H6PD: variants seen among roughly 807,000 people sequenced by gnomAD.
H6PD encodes hexose-6-phosphate dehydrogenase/glucose 1-dehydrogenase.
H6PD carries 48 observed loss-of-function variants against 61.2 expected under a neutral mutation model. The ratio of observed to expected loss-of-function variants is 0.78; its 90% CI spans 0.62 to 1.00. The LOEUF (loss-of-function observed/expected upper bound fraction) is 1.00, where lower values mean the gene tolerates loss of function less well. H6PD is among the 50% of genes least tolerant of loss of function. The pLI, the probability that H6PD is intolerant of heterozygous loss-of-function variation, is 0.00. For synonymous variants in H6PD, 480 were observed against 457.9 expected (o/e 1.05, Z -0.62); for missense variants, 1,093 against 1,065.0 (o/e 1.03, Z -0.37).
chr1:9,265,344 C>T lies in H6PD; in HGVS notation c.*475C>T, dbSNP rs574798810. Reference sequence around the variant, plus strand: ...GGGTGCAGAGGCGCCCAGGGGAGTACATTGCCCCGTGCAAAGCAGGGGCAT... The same window carrying T: ...GGGTGCAGAGGCGCCCAGGGGAGTATATTGCCCCGTGCAAAGCAGGGGCAT... On this transcript the variant is annotated 3_prime_UTR_variant, in exon 5 of 5. Transcript: ENST00000377403. 221 of 288,914 alleles carry T rather than the reference C, an allele frequency of 7.6e-4. No individual in the cohort carries two copies. The highest frequency in any genetic ancestry group is 4.5e-3 in the African/African-American group (206 of 45,844). The allele number at this position is 288,914 out of a possible 1,614,324, so 17.9% of individuals were successfully genotyped here.
intron 4 of H6PD, among the ~76,000 whole-genome samples, chr1:9,263,145 C>G (rs938180972): frequency 1.3e-5 from 2 of 152,150 alleles, no homozygotes; most frequent in Non-Finnish European, 2.9e-5. Context: ...GACCCCCTGA[C>G]CCCTCAAATA....
chr1:9,265,656 T>TA lies in H6PD; in HGVS notation c.*787_*788insA, dbSNP rs1638531419. The TA allele has an allele frequency of 2.6e-5, 4 of 152,282 alleles. No homozygotes were observed. Among genetic ancestry groups the TA allele is most frequent in the Non-Finnish European group, 5.9e-5 (4 of 68,126 alleles). The allele number at this position is 152,282 out of a possible 1,614,324, so 9.4% of individuals were successfully genotyped here. ...GGGTTCCAGAAATCTTTTTTCTTTTTTAATTAAAAAAAATATTTGCAGAGA... is the reference window on the plus strand; with the variant it reads ...GGGTTCCAGAAATCTTTTTTCTTTTTATAATTAAAAAAAATATTTGCAGAGA... On this transcript the variant is annotated 3_prime_UTR_variant, in exon 5 of 5. Transcript: ENST00000377403.
At chr1:9,255,839 C>T (rs1233712990) in intron 3 of H6PD, among the ~76,000 whole-genome samples, 2 of 152,124 alleles carry the variant, frequency 1.3e-5, no homozygotes, top group East Asian at 3.8e-4. Flanking sequence ...TGCCCTAGAC[C>T]CCTCCTTCCA....
chr1:9,247,411 T>C (rs1216914375), intron 3 of H6PD, among the ~76,000 whole-genome samples: 3 of 152,150 alleles, frequency 2.0e-5, no homozygotes, highest in African/African-American at 7.2e-5. Context: ...GCGTGAGGGC[T>C]TCCCCGACTG....
At chr1:9,261,582 C>T (rs1638290167) in intron 3 of H6PD, among the ~76,000 whole-genome samples, 1 of 152,236 alleles carries the variant, frequency 6.6e-6, no homozygotes. Context: ...TTGTTAGTCT[C>T]ATCCAAGGGC....
chr1:9,248,724 C>G (rs2100341639), intron 3 of H6PD, among the ~76,000 whole-genome samples: 1 of 152,258 alleles, frequency 6.6e-6, no homozygotes, highest in East Asian at 1.9e-4. Context: ...GGCAGGACTT[C>G]CCAAGCCAGG....
At chr1:9,263,324 T>C (rs945658915) in intron 4 of H6PD, among the ~76,000 whole-genome samples, 185 bp from the exon 5 acceptor site, 2 of 151,656 alleles carry the variant, frequency 1.3e-5, no homozygotes, top group African/African-American at 4.8e-5. Context: ...CAGAGGCCGG[T>C]TTTCAAGCAT....
rs1274203202 is a variant in H6PD at position 9,254,547 on chromosome 1, T to C, written c.745+7464T>C. On this transcript the variant is annotated intron_variant, in intron 3 of 4. Transcript: ENST00000377403. This position sits in a 1 kb window ranked among gnomAD's most constrained non-coding sequence, Gnocchi z 4.6. The stretch of plus-strand genomic sequence containing the variant: ...GTGACTTCGTTCCCTCCTACCTTTG[T>C]TACTTCCTTTGATGGCAGCAAAGGC... 6.6e-6 allele frequency among the ~76,000 whole-genome samples: 1 copy of C among 152,136 alleles called. No homozygotes were observed. Among genetic ancestry groups the C allele is most frequent in the Non-Finnish European group, 1.5e-5 (1 of 68,028 alleles).
intron 1 of H6PD, among the ~76,000 whole-genome samples, chr1:9,240,497 T>C (rs1355946232): frequency 6.6e-6 from 1 of 152,028 alleles, no homozygotes; most frequent in Admixed American, 6.6e-5. Flanking sequence ...TATCTCACCC[T>C]CCCATTTCCT....
chr1:9,265,415 CA>C lies in H6PD; in HGVS notation c.*547del, dbSNP rs140545515. On this transcript the variant is annotated 3_prime_UTR_variant, in exon 5 of 5. Transcript: ENST00000377403. ...TGAGGGGGTCAAGCCCCTCCTTCCC[CA>C]GCTGCCCCTCCTTCTAGAACCTCTG... The C allele has an allele frequency of 3.7e-3, 687 of 184,758 alleles. 5 individuals are homozygous for C. Among genetic ancestry groups the C allele is most frequent in the African/African-American group, 0.016 (665 of 42,364 alleles). The allele number at this position is 184,758 out of a possible 1,614,324, so 11.4% of individuals were successfully genotyped here.
chr1:9,261,944 TG>T, intron 3 of H6PD, 114 bp from the exon 4 acceptor site: 9 of 1,053,890 alleles, frequency 8.5e-6, no homozygotes, highest in Non-Finnish European at 1.3e-5. Context: ...CCCTGTGGAC[TG>T]GGGGAAGAGG....
At chr1:9,252,781 T>C (rs1425696920) in intron 3 of H6PD, among the ~76,000 whole-genome samples, 2 of 152,226 alleles carry the variant, frequency 1.3e-5, no homozygotes, top group East Asian at 3.8e-4. Context: ...CTCTCTGTTA[T>C]GAGTCTGAGC....
intron 4 of H6PD, among the ~76,000 whole-genome samples, chr1:9,262,938 C>T (rs1638377176): frequency 6.6e-6 from 1 of 152,194 alleles, no homozygotes; most frequent in Non-Finnish European, 1.5e-5. Context: ...GTGAAGTCGT[C>T]AGAATGAACC....
chr1:9,257,326 C>G (rs1193877690), intron 3 of H6PD, among the ~76,000 whole-genome samples: 1 of 151,920 alleles, frequency 6.6e-6, no homozygotes. Flanking sequence ...AACAGGGTCT[C>G]ACTTTGTTGC....
In H6PD at chr1:9,264,183, A is replaced by T; in HGVS notation, c.1690A>T (p.Ile564Phe). 6.2e-7 allele frequency: 1 copy of T among 1,611,700 alleles called. No individual in the cohort carries two copies. Among genetic ancestry groups the T allele is most frequent in the Non-Finnish European group, 8.5e-7 (1 of 1,178,660 alleles). Reference protein sequence around the residue: ...PLVSAWSEELISKLANDIEAT... With the variant: ...PLVSAWSEELFSKLANDIEAT... The stretch of plus-strand genomic sequence containing the variant: ...GGTCTCCGCCTGGTCCGAGGAGCTG[A>T]TCTCTAAGCTGGCTAATGACATCGA... The change falls in exon 5 of 5, where the codon ATC becomes TTC. Residue 564 changes from isoleucine (I) to phenylalanine (F), a missense_variant. By Grantham distance (21) the Ile-to-Phe change is conservative. Coordinates refer to ENST00000377403, the MANE Select transcript of H6PD (RefSeq NM_004285.4).
chr1:9,245,517 C>T lies in H6PD; in HGVS notation c.583C>T (p.Gln195Ter), dbSNP rs1438111258. Residue 195 changes from glutamine to a stop codon, truncating the protein, a stop_gained, in exon 2 of 5, where the codon CAG becomes TAG. Coordinates refer to ENST00000377403, the MANE Select transcript of H6PD (RefSeq NM_004285.4). LOFTEE classifies it high-confidence loss of function. This position sits in a 1 kb window ranked among gnomAD's most constrained non-coding sequence, Gnocchi z 4.8. The stretch of plus-strand genomic sequence containing the variant: ...GGCCACAGAACTCGGGACCTTTTTC[C>T]AGGAGGAGGAGATGTACCGGGTGGA... ...QLATELGTFF[Q>*]EEEMYRVDHY... 6.2e-6 allele frequency: 10 copies of T among 1,614,056 alleles called. No homozygotes were observed. In the East Asian group the frequency reaches 8.9e-5, roughly 14 times the overall value.
chr1:9,246,493 G>A (rs1354081646), intron 2 of H6PD, among the ~76,000 whole-genome samples: 1 of 152,078 alleles, frequency 6.6e-6, no homozygotes, highest in Non-Finnish European at 1.5e-5. Context: ...GTGCGGGTGG[G>A]CATAGGCAGT....
intron 1 of H6PD, among the ~76,000 whole-genome samples, chr1:9,239,389 C>T (rs1331030618): frequency 6.6e-6 from 1 of 152,118 alleles, no homozygotes; most frequent in Admixed American, 6.5e-5. Flanking sequence ...CCCCAGAGCC[C>T]GATCTGGAAG....
In H6PD at chr1:9,270,159, A is replaced by ACTT. The variant is rs1215845689; in HGVS notation, c.*5293_*5295dup. 2 of 152,672 alleles carry ACTT rather than the reference A, an allele frequency of 1.3e-5. No homozygotes were observed. The highest frequency in any genetic ancestry group is 4.2e-4 in the South Asian group (2 of 4,816). 9.5% of individuals were successfully genotyped at this position (152,672 alleles called of 1,614,324 possible). A position where few individuals can be genotyped will look rare whatever the true frequency, so the allele number is the denominator to read the frequency against. On this transcript the variant is annotated 3_prime_UTR_variant, in exon 5 of 5. Coordinates refer to ENST00000377403, the MANE Select transcript of H6PD (RefSeq NM_004285.4). ...GAAGGGAGAGCACTGGAGTAATGAC[A>ACTT]CTTCTGCTGCTGCTTTGATTCTCAA...
Sources: allele counts gnomAD v4.1 joint callset (sites outside exome capture counted in the v4.1 genomes callset), GRCh38; gene constraint gnomAD v4.1.1; non-coding constraint Gnocchi (gnomAD v3.1); transcripts MANE v1.5; gene names NCBI Gene and HGNC (gene_info 2026-07-23, HGNC 2026-07-21).